Variants in FLRT1 observed in about 807,000 individuals in gnomAD.
FLRT1 encodes the protein leucine-rich repeat transmembrane protein FLRT1.
FLRT1 carries 14 observed loss-of-function variants against 30.9 expected under a neutral mutation model. The ratio of observed to expected loss-of-function variants is 0.45; its 90% confidence interval spans 0.30 to 0.71. The LOEUF (loss-of-function observed/expected upper bound fraction) is 0.71, where lower values mean the gene tolerates loss of function less well. FLRT1 is among the 30% of genes least tolerant of loss of function. The probability of loss-of-function intolerance (pLI) is 0.08; values close to 1 mark genes in which losing one functional copy is unlikely to be tolerated. For synonymous variants in FLRT1, 368 were observed against 430.4 expected (o/e 0.85, Z 1.80); for missense variants, 737 against 949.2 (o/e 0.78, Z 2.94).
At chr11:64,039,902 T>C (rs1943453278) in intron 1 of FLRT1, among the ~76,000 whole-genome samples, 1 of 151,740 alleles carries the variant, frequency 6.6e-6, no homozygotes, top group South Asian at 2.1e-4. Context: ...GGGAGGAGGA[T>C]GGGTGGGAGT....
chr11:64,060,296 C>T (rs1943875361), intron 1 of FLRT1: 1 of 152,242 alleles, frequency 6.6e-6, no homozygotes, highest in South Asian at 2.1e-4. Flanking sequence ...CTTCCTCCGC[C>T]TGCAGGCCGA....
chr11:64,062,614 G>A (rs1408746708), intron 1 of FLRT1, among the ~76,000 whole-genome samples: 1 of 148,498 alleles, frequency 6.7e-6, no homozygotes, highest in Non-Finnish European at 1.5e-5. Flanking sequence ...GGGCGCTGGG[G>A]ATGGAGCAGC....
intron 1 of FLRT1, among the ~76,000 whole-genome samples, chr11:64,044,584 C>T (rs528697545): frequency 6.6e-6 from 1 of 152,210 alleles, no homozygotes; most frequent in Non-Finnish European, 1.5e-5. Flanking sequence ...CTGATTTTAC[C>T]CCAGGGGTAA....
intron 2 of FLRT1, among the ~76,000 whole-genome samples, chr11:64,105,456 G>A (rs1944744579): frequency 6.6e-6 from 1 of 152,206 alleles, no homozygotes; most frequent in Admixed American, 6.5e-5. Flanking sequence ...ATGTGACCTT[G>A]GACAGGTCTG....
At chr11:64,113,827 G>T (rs1244757793) in intron 2 of FLRT1, among the ~76,000 whole-genome samples, 1 of 149,572 alleles carries the variant, frequency 6.7e-6, no homozygotes, top group Admixed American at 6.7e-5. Flanking sequence ...TGGACGCATG[G>T]ATGGATGGAT....
At chr11:64,111,805 A>C (rs776188817) in intron 2 of FLRT1, among the ~76,000 whole-genome samples, 6 of 152,184 alleles carry the variant, frequency 3.9e-5, no homozygotes, top group Non-Finnish European at 8.8e-5. Flanking sequence ...CCAGTCCCCA[A>C]TGTAATGAAA....
intron 1 of FLRT1, among the ~76,000 whole-genome samples, chr11:64,078,934 C>A (rs1007412489): frequency 6.6e-6 from 1 of 152,028 alleles, no homozygotes; most frequent in South Asian, 2.1e-4. Context: ...TATGCCAGTG[C>A]GGTTAAGGGT....
chr11:64,043,904 A>C (rs746797025), intron 1 of FLRT1, among the ~76,000 whole-genome samples: 40 of 151,306 alleles, frequency 2.6e-4, no homozygotes, highest in Non-Finnish European at 5.6e-4. Context: ...CTCTGTCTGC[A>C]ACAGGTTCAA....
At chr11:64,051,664 G>A (rs529056500) in intron 1 of FLRT1, among the ~76,000 whole-genome samples, 2 of 152,294 alleles carry the variant, frequency 1.3e-5, no homozygotes, top group South Asian at 2.1e-4. Context: ...AGCCCTCTCC[G>A]AGCTCACGGC....
rs1368584121 is a variant in FLRT1, at chr11:64,082,579, G to A, written c.-1037-20615G>A. 6.6e-6 allele frequency among the ~76,000 whole-genome samples: 1 copy of A among 152,114 alleles called. No individual in the cohort carries two copies. The highest frequency in any genetic ancestry group is 1.5e-5 in the Non-Finnish European group (1 of 67,998). On this transcript the variant is annotated intron_variant, in intron 1 of 2. Coordinates refer to ENST00000682287, the MANE Select transcript of FLRT1 (RefSeq NM_013280.5). The surrounding 1 kb of genome is among the most constrained non-coding windows in gnomAD (Gnocchi z 4.5). ...AGGCGGAAGTAGGGTTCAGATTCAG[G>A]TGAAGCTTAGGGGTCCCTGGGCTGA... is the stretch of plus-strand genomic sequence containing the variant.
intron 1 of FLRT1, among the ~76,000 whole-genome samples, chr11:64,094,146 G>C (rs1343988164): frequency 6.6e-6 from 1 of 152,154 alleles, no homozygotes; most frequent in African/African-American, 2.4e-5. Context: ...AAAATACAAA[G>C]CTTAGGCTGG....
intron 1 of FLRT1, among the ~76,000 whole-genome samples, chr11:64,071,072 C>T (rs555008537): frequency 2.0e-5 from 3 of 152,282 alleles, no homozygotes; most frequent in African/African-American, 7.2e-5. Context: ...GGACACCAGG[C>T]CTTTGTCTCT....
chr11:64,065,590 C>T (rs1474163442), intron 1 of FLRT1, among the ~76,000 whole-genome samples: 3 of 151,280 alleles, frequency 2.0e-5, no homozygotes, highest in East Asian at 1.9e-4. Flanking sequence ...GAGATCAAGA[C>T]CATCCTGGCT....
chr11:64,063,608 G>A (rs1943943604), intron 1 of FLRT1, among the ~76,000 whole-genome samples: 2 of 152,190 alleles, frequency 1.3e-5, no homozygotes, highest in African/African-American at 2.4e-5. Flanking sequence ...TGAAGCTCAC[G>A]TAGGAATGAA....
intron 2 of FLRT1, among the ~76,000 whole-genome samples, chr11:64,111,314 C>T (rs963965804): frequency 5.3e-5 from 8 of 152,236 alleles, no homozygotes; most frequent in African/African-American, 1.9e-4. Flanking sequence ...GGGGGTAATC[C>T]TCCAGCCAGA....
chr11:64,117,050 C>A lies in FLRT1; in HGVS notation c.783C>A (p.Ala261=). 9 of 1,605,480 alleles carry A rather than the reference C, an allele frequency of 5.6e-6. No homozygotes were observed. Among genetic ancestry groups the A allele is most frequent in the Non-Finnish European group, 7.7e-6 (9 of 1,176,418 alleles). ...TELSLVRNSL[A]APPLNLPSAH... is the part of the protein sequence containing the mutation. ...TCTCGCTGGTGCGCAATTCGCTGGCCGCGCCACCCCTCAACCTGCCCAGCG... is the reference window on the plus strand; with the variant it reads ...TCTCGCTGGTGCGCAATTCGCTGGCAGCGCCACCCCTCAACCTGCCCAGCG... Residue 261 remains alanine, a synonymous_variant, in exon 3 of 3, where the codon GCC becomes GCA. Coordinates refer to ENST00000682287, the MANE Select transcript of FLRT1 (RefSeq NM_013280.5).
chr11:64,083,832 G>A (rs1479847031), intron 1 of FLRT1, among the ~76,000 whole-genome samples: 1 of 152,216 alleles, frequency 6.6e-6, no homozygotes, highest in African/African-American at 2.4e-5. Context: ...CAGACCGACG[G>A]ATCTGCCAGG....
chr11:64,070,834 C>T (rs74753444), intron 1 of FLRT1, among the ~76,000 whole-genome samples: 189 of 152,270 alleles, frequency 1.2e-3, no homozygotes, highest in African/African-American at 4.2e-3. Context: ...TGCTCTTTCT[C>T]GTTTTGGAAG....
At chr11:64,094,647 C>T (rs2134535558) in intron 1 of FLRT1, among the ~76,000 whole-genome samples, 1 of 152,304 alleles carries the variant, frequency 6.6e-6, no homozygotes, top group Non-Finnish European at 1.5e-5. Flanking sequence ...ACTCCGGAGG[C>T]TCAGTGTGTG....
Sources: gnomAD v4.1 joint callset for allele counts (sites outside exome capture counted in the v4.1 genomes callset) on GRCh38, gnomAD v4.1.1 for gene constraint, Gnocchi (gnomAD v3.1) non-coding constraint, MANE v1.5 for transcripts, NCBI Gene and HGNC (gene_info 2026-07-23, HGNC 2026-07-21) for gene names.